The following CSNK2A2IP variants were observed in gnomAD, a reference collection of about 807,000 sequenced individuals.
The protein encoded by CSNK2A2IP is casein kinase 2 subunit alpha' interacting protein.
the CSNK2A2IP span, among the ~76,000 whole-genome samples, chr3:88,448,226 A>G: frequency 6.6e-6 from 1 of 152,184 alleles, no homozygotes. Flanking sequence ...GAGATCCTGG[A>G]TCCTACACCT....
At chr3:88,412,950 T>G in the CSNK2A2IP span, among the ~76,000 whole-genome samples, 1 of 151,814 alleles carries the variant, frequency 6.6e-6, no homozygotes, top group Non-Finnish European at 1.5e-5. Flanking sequence ...TGAATTGTCA[T>G]TTTTCAGCCA....
At chr3:88,453,717 C>T in the CSNK2A2IP span, among the ~76,000 whole-genome samples, 1 of 151,896 alleles carries the variant, frequency 6.6e-6, no homozygotes, top group Admixed American at 6.6e-5. Context: ...TGTTTTATAC[C>T]AGCTTTATGT....
At chr3:88,363,212 T>C in the CSNK2A2IP span, among the ~76,000 whole-genome samples, 1 of 152,236 alleles carries the variant, frequency 6.6e-6, no homozygotes, top group Non-Finnish European at 1.5e-5. Flanking sequence ...ATATGTTAAA[T>C]TAGAACATTT....
chr3:88,394,245 G>A, the CSNK2A2IP span, among the ~76,000 whole-genome samples: 5 of 152,134 alleles, frequency 3.3e-5, no homozygotes, highest in South Asian at 2.1e-4. Flanking sequence ...CAAAGTGAAT[G>A]TACCATATTC....
chr3:88,387,491 A>G, the CSNK2A2IP span, among the ~76,000 whole-genome samples: 1 of 152,076 alleles, frequency 6.6e-6, no homozygotes, highest in Admixed American at 6.6e-5. Context: ...TTACTAATCT[A>G]TCTTCCTTAC....
the CSNK2A2IP span, among the ~76,000 whole-genome samples, chr3:88,402,942 G>A: frequency 1.3e-5 from 2 of 152,034 alleles, no homozygotes; most frequent in Non-Finnish European, 2.9e-5. Context: ...CAAGGTGTTT[G>A]TGAGATTGCT....
the CSNK2A2IP span, among the ~76,000 whole-genome samples, chr3:88,371,704 C>T: frequency 6.6e-6 from 1 of 151,758 alleles, no homozygotes; most frequent in South Asian, 2.1e-4. Context: ...ACAGGAAGTT[C>T]AGTGTGTCCC....
chr3:88,338,935 G>A, the CSNK2A2IP span, among the ~76,000 whole-genome samples: 1 of 151,498 alleles, frequency 6.6e-6, no homozygotes, highest in Non-Finnish European at 1.5e-5. Context: ...ATTATTATGG[G>A]TACATAATAG....
chr3:88,384,479 A>G, the CSNK2A2IP span, among the ~76,000 whole-genome samples: 1 of 152,168 alleles, frequency 6.6e-6, no homozygotes, highest in Non-Finnish European at 1.5e-5. Context: ...AGAACATGGC[A>G]GGAGTGAGGA....
At chr3:88,464,270 A>C in the CSNK2A2IP span, among the ~76,000 whole-genome samples, 1 of 151,706 alleles carries the variant, frequency 6.6e-6, no homozygotes, top group Admixed American at 6.6e-5. Context: ...ATATGTAACA[A>C]ACCTGCATGT....
chr3:88,427,213 T>C, the CSNK2A2IP span, among the ~76,000 whole-genome samples: 2 of 152,162 alleles, frequency 1.3e-5, no homozygotes, highest in Non-Finnish European at 2.9e-5. Flanking sequence ...CTTGTTATGC[T>C]TTAGCAAAGA....
the CSNK2A2IP span, among the ~76,000 whole-genome samples, chr3:88,339,327 T>C: frequency 3.3e-5 from 5 of 152,068 alleles, no homozygotes; most frequent in Non-Finnish European, 5.9e-5. Context: ...CTAATTTCAC[T>C]TAACATAATG....
chr3:88,347,273 T>G, the CSNK2A2IP span, among the ~76,000 whole-genome samples: 1 of 152,028 alleles, frequency 6.6e-6, no homozygotes, highest in African/African-American at 2.4e-5. Flanking sequence ...TTAACTTAGT[T>G]GATAAAGCAG....
the CSNK2A2IP span, among the ~76,000 whole-genome samples, chr3:88,414,947 G>A: frequency 1.3e-5 from 2 of 151,688 alleles, no homozygotes; most frequent in Admixed American, 1.3e-4. Flanking sequence ...TGTGCTCAAA[G>A]ATTTCTAACT....
chr3:88,394,828 G>C, the CSNK2A2IP span, among the ~76,000 whole-genome samples: 1 of 152,116 alleles, frequency 6.6e-6, no homozygotes, highest in Non-Finnish European at 1.5e-5. Context: ...TATATATTCT[G>C]GATACAAGCC....
chr3:88,443,859 C>T, the CSNK2A2IP span, among the ~76,000 whole-genome samples: 2 of 149,316 alleles, frequency 1.3e-5, no homozygotes, highest in African/African-American at 4.9e-5. Flanking sequence ...CACCAGTTTT[C>T]TCTGAGTAAA....
the CSNK2A2IP span, among the ~76,000 whole-genome samples, chr3:88,361,285 G>A: frequency 2.6e-5 from 4 of 152,124 alleles, no homozygotes; most frequent in Non-Finnish European, 5.9e-5. Context: ...AGCATTTCTT[G>A]TAAGATAGGG....
At chr3:88,463,191 C>T in the CSNK2A2IP span, among the ~76,000 whole-genome samples, 1 of 151,258 alleles carries the variant, frequency 6.6e-6, no homozygotes, top group African/African-American at 2.4e-5. Flanking sequence ...ACTTCTCATT[C>T]TTCCAGGGCC....
At chr3:88,407,785 G>A in the CSNK2A2IP span, among the ~76,000 whole-genome samples, 24 of 151,980 alleles carry the variant, frequency 1.6e-4, no homozygotes, top group Non-Finnish European at 2.9e-4. Context: ...GTGCAGTGGC[G>A]CGATCTCGGC....
Sources: allele counts gnomAD v4.1 joint callset (sites outside exome capture counted in the v4.1 genomes callset), GRCh38; gene constraint gnomAD v4.1.1; transcripts MANE v1.5; gene names NCBI Gene and HGNC (gene_info 2026-07-23, HGNC 2026-07-21).